The following GLYATL3 variants were observed in gnomAD, a reference collection of about 807,000 sequenced individuals.
The protein encoded by GLYATL3 is glycine-N-acyltransferase like 3.
A neutral mutation model predicts 28.5 loss-of-function variants in GLYATL3; 31 were observed. That is an observed-to-expected ratio of 1.09 (90% CI 0.82 to 1.47). The LOEUF (loss-of-function observed/expected upper bound fraction) is 1.47, where lower values mean the gene tolerates loss of function less well. Ranked by LOEUF, GLYATL3 falls within the 40% of genes most tolerant of loss-of-function variation. GLYATL3 has a pLI of 0.00. For missense variants in GLYATL3, 369 were observed against 351.5 expected, an observed-to-expected ratio of 1.05 and a Z score of -0.40; for synonymous variants, 141 against 140.2, an observed-to-expected ratio of 1.01 and a Z score of -0.04.
intron 2 of GLYATL3, among the ~76,000 whole-genome samples, chr6:49,512,438 C>A (rs879094725): frequency 6.6e-6 from 1 of 151,940 alleles, no homozygotes; most frequent in Admixed American, 6.6e-5. Context: ...TGTCCTAATG[C>A]TCTCCCTCCC....
intron 1 of GLYATL3, among the ~76,000 whole-genome samples, chr6:49,510,975 T>A (rs1769112538): frequency 6.6e-6 from 1 of 152,208 alleles, no homozygotes; most frequent in Admixed American, 6.5e-5. Flanking sequence ...CACAGGGGTA[T>A]GCCACATAGA....
chr6:49,514,484 C>G (rs1363597215), intron 2 of GLYATL3, among the ~76,000 whole-genome samples: 1 of 152,198 alleles, frequency 6.6e-6, no homozygotes, highest in Non-Finnish European at 1.5e-5. Flanking sequence ...CTTCTACAAG[C>G]ATACATGTGA....
In GLYATL3 at chr6:49,504,007, G is replaced by A. The variant is rs566252241; in HGVS notation, c.-29+3965G>A. Among the ~76,000 whole-genome samples, 9 of 152,206 alleles carry A rather than the reference G, an allele frequency of 5.9e-5. No individual in the cohort carries two copies. The South Asian group carries it at 8.3e-4, about 14-fold the overall frequency. ...CATTAACATAGACCTCGATAGGAGC[G>A]TCCATCCACGTCATGGCTCGAATAA... On this transcript the variant is annotated intron_variant, in intron 1 of 5. Transcript: ENST00000371197.
At chr6:49,508,255 C>G (rs1354287114) in intron 1 of GLYATL3, among the ~76,000 whole-genome samples, 1 of 152,134 alleles carries the variant, frequency 6.6e-6, no homozygotes, top group East Asian at 1.9e-4. Context: ...GAGATCGCAC[C>G]ACTGCATTCC....
chr6:49,525,665 T>TTATACC (rs951365768), intron 5 of GLYATL3, among the ~76,000 whole-genome samples: 35 of 151,110 alleles, frequency 2.3e-4, no homozygotes, highest in African/African-American at 8.0e-4. Context: ...AAGTTCAGAG[T>TTATACC]TATACCCACC....
intron 5 of GLYATL3, among the ~76,000 whole-genome samples, chr6:49,525,452 C>A (rs998437647): frequency 1.0e-4 from 15 of 150,280 alleles, no homozygotes; most frequent in African/African-American, 3.7e-4. Context: ...TAATCCCACA[C>A]GCACGTGAGG....
chr6:49,515,930 CCCCTCCCTCTCT>C (rs1332528499), intron 3 of GLYATL3, among the ~76,000 whole-genome samples, 170 bp downstream of exon 3: 2 of 131,390 alleles, frequency 1.5e-5, no homozygotes, highest in Non-Finnish European at 3.2e-5. Context: ...CTCCCTCCCT[CCCCTCCCTCTCT>C]CCCTCCCTCT....
rs1254328243 is a variant in GLYATL3, at chr6:49,527,814, A to G, written c.*900A>G. On this transcript the variant is annotated 3_prime_UTR_variant, in exon 6 of 6. Coordinates refer to ENST00000371197, the MANE Select transcript of GLYATL3 (RefSeq NM_001010904.2). ...AACATATATGCATACACATATATAT[A>G]CATTCTCTTCATTTCTTTTATATGT... Among the ~76,000 whole-genome samples the G allele has an allele frequency of 6.6e-6, 1 of 152,198 alleles. No individual in the cohort carries two copies. Among genetic ancestry groups the G allele is most frequent in the Non-Finnish European group, 1.5e-5 (1 of 68,042 alleles).
At chr6:49,516,549 A>G (rs1265419726) in intron 3 of GLYATL3, among the ~76,000 whole-genome samples, 1 of 152,092 alleles carries the variant, frequency 6.6e-6, no homozygotes, top group East Asian at 1.9e-4. Flanking sequence ...GAGAGTTGTA[A>G]TTCTTGGAGG....
intron 1 of GLYATL3, among the ~76,000 whole-genome samples, chr6:49,508,244 C>T (rs534191134): frequency 1.2e-4 from 18 of 152,124 alleles, no homozygotes; most frequent in East Asian, 1.9e-4. Flanking sequence ...TGCACTGAGC[C>T]GAGATCGCAC....
intron 2 of GLYATL3, among the ~76,000 whole-genome samples, chr6:49,514,055 C>A (rs1216035289): frequency 6.6e-6 from 1 of 152,178 alleles, no homozygotes; most frequent in African/African-American, 2.4e-5. Flanking sequence ...ACAAAGTGCA[C>A]ACAATTTAAT....
chr6:49,505,498 G>T (rs1768995883), intron 1 of GLYATL3, among the ~76,000 whole-genome samples: 1 of 152,174 alleles, frequency 6.6e-6, no homozygotes, highest in Non-Finnish European at 1.5e-5. Flanking sequence ...GGATCCATCA[G>T]TAAAAATGGT....
intron 1 of GLYATL3, among the ~76,000 whole-genome samples, chr6:49,500,813 T>G (rs1285446980): frequency 1.3e-5 from 2 of 152,186 alleles, no homozygotes; most frequent in African/African-American, 4.8e-5. Flanking sequence ...TAATCGTCAT[T>G]ATGACTCTCT....
At chr6:49,518,294 G>A (rs145350344) in intron 4 of GLYATL3, among the ~76,000 whole-genome samples, 2 of 152,310 alleles carry the variant, frequency 1.3e-5, no homozygotes, top group East Asian at 3.9e-4. Flanking sequence ...TAACGGCATG[G>A]CCATCAGGGC....
At chr6:49,510,330 C>A (rs1769099136) in intron 1 of GLYATL3, among the ~76,000 whole-genome samples, 1 of 152,146 alleles carries the variant, frequency 6.6e-6, no homozygotes, top group African/African-American at 2.4e-5. Flanking sequence ...GCATGAGACA[C>A]CACGCCCAGC....
At chr6:49,514,982 ATAT>A (rs1247393593) in intron 2 of GLYATL3, among the ~76,000 whole-genome samples, 1 of 152,160 alleles carries the variant, frequency 6.6e-6, no homozygotes, top group Non-Finnish European at 1.5e-5. Context: ...AAGAATTATA[ATAT>A]TATTCCAGTT....
At chr6:49,526,241 C>G (rs1037823927) in intron 5 of GLYATL3, among the ~76,000 whole-genome samples, 1 of 152,004 alleles carries the variant, frequency 6.6e-6, no homozygotes, top group South Asian at 2.1e-4. Context: ...TCGTGAAATC[C>G]CGTCTCTACT....
intron 3 of GLYATL3, 75 bp downstream of exon 3, chr6:49,515,835 T>C: frequency 9.9e-6 from 8 of 808,834 alleles, no homozygotes; most frequent in South Asian, 1.5e-5. Context: ...TATTTTATAA[T>C]CATAGTAGCC....
chr6:49,514,429 G>T (rs1181819508), intron 2 of GLYATL3, among the ~76,000 whole-genome samples: 1 of 152,182 alleles, frequency 6.6e-6, no homozygotes, highest in Non-Finnish European at 1.5e-5. Context: ...TGGTAAAAAG[G>T]ATTCCTATAG....
Sources: gnomAD v4.1 joint callset for allele counts (sites outside exome capture counted in the v4.1 genomes callset) on GRCh38, gnomAD v4.1.1 for gene constraint, MANE v1.5 for transcripts, NCBI Gene and HGNC (gene_info 2026-07-23, HGNC 2026-07-21) for gene names.